DIAPH3: variants seen among roughly 807,000 people sequenced by gnomAD.
The protein encoded by DIAPH3 is diaphanous related formin 3.
Under a neutral mutation model 144.3 loss-of-function variants are expected in DIAPH3, and 117 were observed. The ratio of observed to expected loss-of-function variants is 0.81; its 90% confidence interval spans 0.70 to 0.95. The LOEUF is 0.95. DIAPH3 is among the 40% of genes least tolerant of loss of function. The pLI, the probability that DIAPH3 is intolerant of heterozygous loss-of-function variation, is 0.00. For synonymous variants in DIAPH3, 519 were observed against 488.9 expected (o/e 1.06, Z -0.81); for missense variants, 1,421 against 1,412.7 (o/e 1.01, Z -0.09).
chr13:60,159,998 G>A (rs1952211270), intron 1 of DIAPH3, among the ~76,000 whole-genome samples: 1 of 152,156 alleles, frequency 6.6e-6, no homozygotes, highest in African/African-American at 2.4e-5. Flanking sequence ...GGCCGAGGTG[G>A]GCGGATCACG....
chr13:59,804,855 T>C (rs2040112558), intron 25 of DIAPH3, among the ~76,000 whole-genome samples: 1 of 152,174 alleles, frequency 6.6e-6, no homozygotes, highest in African/African-American at 2.4e-5. Flanking sequence ...TTAAAGCTTT[T>C]ATGAAAGCAA....
At chr13:59,939,835 C>CGTGTGTGT (rs3220859) in intron 17 of DIAPH3, among the ~76,000 whole-genome samples, 2,011 of 146,750 alleles carry the variant, frequency 0.014, 27 homozygotes, top group Middle Eastern at 0.034. Flanking sequence ...GAGAATGAGG[C>CGTGTGTGT]GTGTGTGTGT....
At chr13:59,711,821 A>G (rs2034761208) in intron 27 of DIAPH3, among the ~76,000 whole-genome samples, 1 of 152,214 alleles carries the variant, frequency 6.6e-6, no homozygotes, top group South Asian at 2.1e-4. Flanking sequence ...CACAGAGTTA[A>G]CACTAAAAAA....
intron 1 of DIAPH3, among the ~76,000 whole-genome samples, chr13:60,148,029 G>C (rs559176750): frequency 1.3e-5 from 2 of 152,240 alleles, no homozygotes; most frequent in Admixed American, 1.3e-4. Context: ...GAAGAGGCAA[G>C]TGCTATAAGT....
chr13:59,980,554 A>G (rs1345889519), intron 14 of DIAPH3, among the ~76,000 whole-genome samples: 1 of 151,700 alleles, frequency 6.6e-6, no homozygotes, highest in Non-Finnish European at 1.5e-5. Flanking sequence ...ACTATGTAGC[A>G]TGTGAGATGA....
At chr13:59,954,417 T>A (rs958505920) in intron 17 of DIAPH3, among the ~76,000 whole-genome samples, 1 of 152,140 alleles carries the variant, frequency 6.6e-6, no homozygotes, top group South Asian at 2.1e-4. Flanking sequence ...TAATCAAAAA[T>A]AATGATAAAA....
At chr13:59,969,889 G>A (rs900667940) in intron 17 of DIAPH3, 55 bp downstream of exon 17, 5 of 1,131,204 alleles carry the variant, frequency 4.4e-6, no homozygotes, top group Non-Finnish European at 6.4e-6. Flanking sequence ...TACATAAAAA[G>A]TATATGTTAA....
chr13:59,904,020 T>A (rs902091903), intron 20 of DIAPH3, among the ~76,000 whole-genome samples: 5 of 152,194 alleles, frequency 3.3e-5, no homozygotes, highest in Non-Finnish European at 5.9e-5. Context: ...TGCACAGAGT[T>A]CTCTGGTAAC....
At chr13:59,998,110 T>A (rs752774493) in intron 9 of DIAPH3, among the ~76,000 whole-genome samples, 5 of 152,054 alleles carry the variant, frequency 3.3e-5, no homozygotes, top group Non-Finnish European at 7.4e-5. Flanking sequence ...CTAGTGTAAA[T>A]AGAGAAATTC....
intron 1 of DIAPH3, among the ~76,000 whole-genome samples, chr13:60,152,487 G>GATATATATATAT (rs144792127): frequency 2.9e-5 from 4 of 139,982 alleles, no homozygotes; most frequent in African/African-American, 1.0e-4. Flanking sequence ...TTTAGGGAAA[G>GATATATATATAT]ATATATATAT....
chr13:59,747,632 G>C (rs1161471820), intron 27 of DIAPH3, among the ~76,000 whole-genome samples: 1 of 152,198 alleles, frequency 6.6e-6, no homozygotes, highest in Non-Finnish European at 1.5e-5. Context: ...TGGAAGGAGA[G>C]GGCCATATAA....
At chr13:59,833,436 T>C (rs1172314932) in intron 23 of DIAPH3, among the ~76,000 whole-genome samples, 165 bp from the exon 24 acceptor site, 1 of 151,738 alleles carries the variant, frequency 6.6e-6, no homozygotes, top group Non-Finnish European at 1.5e-5. Flanking sequence ...CTATACTACA[T>C]AGCAACAAAA....
chr13:60,105,917 C>T (rs1182736934), intron 3 of DIAPH3, among the ~76,000 whole-genome samples: 1 of 152,000 alleles, frequency 6.6e-6, no homozygotes, highest in Non-Finnish European at 1.5e-5. Context: ...TTAAGATATT[C>T]CTTGCACACT....
intron 2 of DIAPH3, among the ~76,000 whole-genome samples, chr13:60,130,577 T>C (rs1032662864): frequency 3.3e-5 from 5 of 152,186 alleles, no homozygotes; most frequent in African/African-American, 1.2e-4. Context: ...GAAGCCTGAC[T>C]AGCGCCAAGC....
chr13:59,846,502 A>C (rs915207992), intron 22 of DIAPH3, among the ~76,000 whole-genome samples: 3 of 152,198 alleles, frequency 2.0e-5, no homozygotes, highest in Admixed American at 2.0e-4. Flanking sequence ...ATTTCTTCCT[A>C]GACAACTGTA....
chr13:59,920,950 T>C (rs1251987785), intron 18 of DIAPH3, among the ~76,000 whole-genome samples: 1 of 151,654 alleles, frequency 6.6e-6, no homozygotes, highest in East Asian at 1.9e-4. Context: ...TTCAAAAACT[T>C]TTCAAATGCA....
At chr13:59,740,003 C>G (rs528042864) in intron 27 of DIAPH3, among the ~76,000 whole-genome samples, 1 of 152,134 alleles carries the variant, frequency 6.6e-6, no homozygotes, top group African/African-American at 2.4e-5. Context: ...AGGTTACATG[C>G]AGACACTATG....
chr13:59,980,844 T>G lies in DIAPH3; in HGVS notation c.1496A>C (p.Gln499Pro), dbSNP rs1286643200. 18 of 1,609,222 alleles carry G rather than the reference T, an allele frequency of 1.1e-5. No individual in the cohort carries two copies. Among genetic ancestry groups the G allele is most frequent in the Non-Finnish European group, 1.4e-5 (16 of 1,177,296 alleles). ...CTCTTCAAACTCTTCTAGTTTTGCTTGATCTATGCAAATGTCTAAAATTGC... is the reference window on the plus strand; with the variant it reads ...CTCTTCAAACTCTTCTAGTTTTGCTGGATCTATGCAAATGTCTAAAATTGC... ...LTQFVDICID[Q>P]AKLEEFEEKA... is the part of the protein sequence containing the mutation. The change falls in exon 14 of 28, where the codon CAA becomes CCA. Residue 499 changes from glutamine to proline, a missense_variant. Physicochemically the swap from Gln to Pro is moderately conservative, Grantham distance 76 (BLOSUM62 -1). Transcript: ENST00000400324.
chr13:59,987,632 A>G (rs2140773792), intron 12 of DIAPH3, among the ~76,000 whole-genome samples: 1 of 151,596 alleles, frequency 6.6e-6, no homozygotes, highest in East Asian at 1.9e-4. Context: ...CTTGTAAAGC[A>G]TAATCATCTC....
Sources: allele counts gnomAD v4.1 joint callset (sites outside exome capture counted in the v4.1 genomes callset), GRCh38; gene constraint gnomAD v4.1.1; transcripts MANE v1.5; gene names NCBI Gene and HGNC (gene_info 2026-07-23, HGNC 2026-07-21).